The following CARS2 variants were observed in gnomAD, a reference collection of about 807,000 sequenced individuals.
CARS2 encodes cysteinyl-tRNA synthetase 2, mitochondrial.
Under a neutral mutation model 68.8 loss-of-function variants are expected in CARS2, and 52 were observed. The ratio of observed to expected loss-of-function variants is 0.76; its 90% CI spans 0.61 to 0.95. The LOEUF is 0.95. Ranked by LOEUF, CARS2 falls within the 40% of genes least tolerant of loss-of-function variation. The pLI, the probability that CARS2 is intolerant of heterozygous loss-of-function variation, is 0.00. For missense variants in CARS2, 780 were observed against 754.2 expected (o/e 1.03, Z -0.40); for synonymous variants, 314 against 303.6 (o/e 1.03, Z -0.36).
At chr13:110,645,842 C>T (rs1278364555) in intron 12 of CARS2, 125 bp downstream of exon 12, 2 of 1,268,874 alleles carry the variant, frequency 1.6e-6, no homozygotes, top group Non-Finnish European at 2.2e-6. Flanking sequence ...ATGAGTTCCT[C>T]CACAGAAGCT....
In CARS2 at chr13:110,713,276, G is replaced by A. The variant is rs1017015797; in HGVS notation, n.260C>T. On this transcript the variant is annotated non_coding_transcript_exon_variant, in exon 1 of 3. Transcript: ENST00000485188. ...CGGGGACGAAGAGTCAGGGGCTGAGGAGCGAGTTGCGGTAGTTGCTGTGTA... is the reference window on the plus strand; with the variant it reads ...CGGGGACGAAGAGTCAGGGGCTGAGAAGCGAGTTGCGGTAGTTGCTGTGTA... 3 of 1,303,384 alleles carry A rather than the reference G, an allele frequency of 2.3e-6. No individual in the cohort carries two copies. The African/African-American group carries it at 4.5e-5, about 19-fold the overall frequency. 80.7% of individuals were successfully genotyped at this position (1,303,384 alleles called of 1,614,324 possible).
At chr13:110,683,168 C>T (rs754903423) in intron 5 of CARS2, 34 bp from the exon 6 acceptor site, 2 of 1,422,848 alleles carry the variant, frequency 1.4e-6, no homozygotes, top group Non-Finnish European at 9.6e-7. Context: ...TTCATCACTT[C>T]TCAGTCTGAA....
intron 8 of CARS2, chr13:110,664,655 T>C (rs1467135140): frequency 2.0e-6 from 2 of 982,496 alleles, no homozygotes; most frequent in Middle Eastern, 5.2e-4. Flanking sequence ...TTGATGATAG[T>C]TGGAAAATAA....
At chr13:110,675,413 A>G (rs1566700531) in intron 7 of CARS2, among the ~76,000 whole-genome samples, 1 of 152,240 alleles carries the variant, frequency 6.6e-6, no homozygotes, top group Admixed American at 6.5e-5. Context: ...TTGTAGGCAC[A>G]TGGATGAAGC....
In CARS2 at chr13:110,653,378, C is replaced by T. The variant is rs553533318; in HGVS notation, c.988-2278G>A. ...CTCTAATTCGCAACTCGCAGGCTTACTTGACACCCTCCCTCACCCGAGGTG... is the reference window on the plus strand; with the variant it reads ...CTCTAATTCGCAACTCGCAGGCTTATTTGACACCCTCCCTCACCCGAGGTG... On this transcript the variant is annotated intron_variant, in intron 9 of 14. Coordinates refer to ENST00000257347, the MANE Select transcript of CARS2 (RefSeq NM_024537.4). The surrounding 1 kb of genome is among the most constrained non-coding windows in gnomAD (Gnocchi z 5.6). 2.2e-4 allele frequency among the ~76,000 whole-genome samples: 34 copies of T among 152,324 alleles called. No individual in the cohort carries two copies. In the East Asian group the frequency reaches 5.4e-3, roughly 24 times the overall value.
rs1208884869 is a variant in CARS2, at chr13:110,677,605, A to G, written c.656-502T>C. ...ACCATGGAAACACAATCACCCCACC[A>G]CGGACACGCAGACAGTCACCCCACC... On this transcript the variant is annotated intron_variant, in intron 6 of 14. Transcript: ENST00000257347. Among the ~76,000 whole-genome samples, 97 of 35,384 alleles carry G rather than the reference A, an allele frequency of 2.7e-3. 3 individuals carry two copies. Among genetic ancestry groups the G allele is most frequent in the African/African-American group, 9.4e-3 (87 of 9,266 alleles). 23.2% of individuals were successfully genotyped at this position (35,384 alleles called of 152,430 possible). A position where few individuals can be genotyped will look rare whatever the true frequency, so the allele number is the denominator to read the frequency against.
Position 110,665,700 on chromosome 13 carries a change from G to A in CARS2, c.919+1640C>T. ...CGGAGGGAGCAACTCCAGCTCCTCAGACAGTTCAGGGAGCGCTGAACTGAG... is the reference window on the plus strand; with the variant it reads ...CGGAGGGAGCAACTCCAGCTCCTCAAACAGTTCAGGGAGCGCTGAACTGAG... On this transcript the variant is annotated intron_variant, in intron 8 of 14. Coordinates refer to ENST00000257347, the MANE Select transcript of CARS2 (RefSeq NM_024537.4). The surrounding 1 kb of genome is among the most constrained non-coding windows in gnomAD (Gnocchi z 4.3). 1 of 985,398 alleles carries A rather than the reference G, an allele frequency of 1.0e-6. No individual in the cohort carries two copies. Among genetic ancestry groups the A allele is most frequent in the Non-Finnish European group, 1.2e-6 (1 of 829,928 alleles). 61.0% of individuals were successfully genotyped at this position (985,398 alleles called of 1,614,324 possible).
intron 13 of CARS2, chr13:110,643,950 C>T: frequency 2.7e-6 from 1 of 370,008 alleles, no homozygotes; most frequent in Non-Finnish European, 5.1e-6. Context: ...TGGGAAGGTG[C>T]AGGTGACTCG....
rs147216443 is a variant in CARS2 at position 110,642,407 on chromosome 13, C to T, written c.1531G>A (p.Ala511Thr). ...ALAMPEATGD[A>T]RRQQLLERQP... ...CTTTCTAGGAGCTGCTGCCGCCGGG[C>T]GTCCCCCGTGGCCTCGGGCATGGCC... The change falls in exon 14 of 15, where the codon GCC (alanine) becomes ACC (threonine). Residue 511 changes from alanine to threonine, a missense_variant. Coordinates refer to ENST00000257347, the MANE Select transcript of CARS2 (RefSeq NM_024537.4). The T allele has an allele frequency of 1.1e-3, 1,778 of 1,585,428 alleles. 7 individuals are homozygous for T. The highest frequency in any genetic ancestry group is 9.4e-4 in the Non-Finnish European group (1,091 of 1,165,844).
chr13:110,692,035 C>T (rs1050824386), intron 3 of CARS2, among the ~76,000 whole-genome samples: 737 of 55,714 alleles, frequency 0.013, 17 homozygotes, highest in African/African-American at 0.037. Context: ...CACACACACA[C>T]ATATATATAT....
intron 14 of CARS2, 103 bp from the exon 15 acceptor site, chr13:110,641,711 C>T: frequency 1.1e-6 from 1 of 947,588 alleles, no homozygotes; most frequent in South Asian, 1.3e-5. Context: ...CCCTCACCGG[C>T]CTGTCCTAAA....
At chr13:110,689,401 A>G (rs1172909119) in intron 3 of CARS2, among the ~76,000 whole-genome samples, 4 of 152,230 alleles carry the variant, frequency 2.6e-5, no homozygotes, top group African/African-American at 4.8e-5. Context: ...GCGCAACGCC[A>G]CACGTGGGGC....
intron 7 of CARS2, among the ~76,000 whole-genome samples, chr13:110,669,421 G>A (rs1048571077): frequency 6.6e-6 from 1 of 152,104 alleles, no homozygotes; most frequent in African/African-American, 2.4e-5. Flanking sequence ...GAGGTGACTG[G>A]ATTTATCCAT....
chr13:110,677,431 C>T (rs2062990956), intron 6 of CARS2, among the ~76,000 whole-genome samples: 1 of 150,706 alleles, frequency 6.6e-6, no homozygotes, highest in Admixed American at 6.6e-5. Flanking sequence ...CCAATCACCC[C>T]CACCATGGAA....
intron 5 of CARS2, 48 bp downstream of exon 5, chr13:110,687,673 T>A (rs769930388): frequency 1.4e-5 from 17 of 1,201,382 alleles, no homozygotes; most frequent in Non-Finnish European, 2.0e-5. Context: ...AGTAAAACTC[T>A]GTCTCAAAAA....
upstream of CARS2, among the ~76,000 whole-genome samples, chr13:110,710,106 C>T (rs2064014549): frequency 6.6e-6 from 1 of 152,142 alleles, no homozygotes; most frequent in African/African-American, 2.4e-5. Flanking sequence ...CTTGGCCAGG[C>T]GCGGTGGTTC....
chr13:110,641,676 C>T (rs572898009), intron 14 of CARS2, 68 bp from the exon 15 acceptor site: 236 of 1,294,288 alleles, frequency 1.8e-4, no homozygotes, highest in South Asian at 1.6e-3. Flanking sequence ...GGCTGACAGG[C>T]GTAATCAGGT....
At chr13:110,663,391 T>A in intron 9 of CARS2, 60 bp downstream of exon 9, 1 of 1,542,902 alleles carries the variant, frequency 6.5e-7, no homozygotes, top group South Asian at 1.2e-5. Flanking sequence ...CACAGAAGCC[T>A]TTAAGATGGG....
At chr13:110,655,530 G>T (rs2062342579) in intron 9 of CARS2, among the ~76,000 whole-genome samples, 1 of 152,216 alleles carries the variant, frequency 6.6e-6, no homozygotes, top group Non-Finnish European at 1.5e-5. Flanking sequence ...GACTGTGTGT[G>T]AAGGGAAAGT....
Sources: gnomAD v4.1 joint callset for allele counts (sites outside exome capture counted in the v4.1 genomes callset) on GRCh38, gnomAD v4.1.1 for gene constraint, Gnocchi (gnomAD v3.1) non-coding constraint, MANE v1.5 for transcripts, NCBI Gene and HGNC (gene_info 2026-07-23, HGNC 2026-07-21) for gene names.